NBEA: variants seen among roughly 807,000 people sequenced by gnomAD.
The protein encoded by NBEA is neurobeachin, also known as lysosomal-trafficking regulator 2.
A neutral mutation model predicts 343.4 loss-of-function variants in NBEA; 44 were observed. The ratio of observed to expected loss-of-function variants is 0.13; its 90% CI spans 0.10 to 0.16. The LOEUF (loss-of-function observed/expected upper bound fraction) is 0.16, where lower values mean the gene tolerates loss of function less well. NBEA is among the 10% of genes least tolerant of loss of function. The probability of loss-of-function intolerance (pLI) is 1.00; values close to 1 mark genes in which losing one functional copy is unlikely to be tolerated. For synonymous variants in NBEA, 1,175 were observed against 1,238.7 expected (o/e 0.95, Z 1.08); for missense variants, 2,555 against 3,631.3 (o/e 0.70, Z 7.62).
chr13:35,620,582 TA>T (rs1209859475), intron 48 of NBEA, among the ~76,000 whole-genome samples: 1 of 152,076 alleles, frequency 6.6e-6, no homozygotes, highest in African/African-American at 2.4e-5. Flanking sequence ...TTACCCTGAG[TA>T]AAATGTAAAG....
Position 35,443,268 on chromosome 13 carries a change from G to A in NBEA, c.6305-8824G>A, listed in dbSNP as rs190095097. Among the ~76,000 whole-genome samples, 12 of 152,028 alleles carry A rather than the reference G, an allele frequency of 7.9e-5. 1 individual carries two copies. Among genetic ancestry groups the A allele is most frequent in the Admixed American group, 5.2e-4 (8 of 15,262 alleles). On this transcript the variant is annotated intron_variant, in intron 39 of 58. Coordinates refer to ENST00000379939, the MANE Select transcript of NBEA (RefSeq NM_001385012.1). ...ACAAGTTCCTTTTTGGTAAAATTAC[G>A]TAAGATGCTGTACTCTGACTTTTAT...
chr13:35,327,821 C>T (rs1349752586), intron 36 of NBEA, among the ~76,000 whole-genome samples: 1 of 151,790 alleles, frequency 6.6e-6, no homozygotes, highest in Non-Finnish European at 1.5e-5. Context: ...GAATATTCCA[C>T]ATCAACAGAC....
At chr13:35,091,949 A>G (rs905824786) in intron 10 of NBEA, among the ~76,000 whole-genome samples, 1 of 152,040 alleles carries the variant, frequency 6.6e-6, no homozygotes, top group East Asian at 1.9e-4. Context: ...GTTGAATGAC[A>G]AAGTAACTAG....
intron 5 of NBEA, among the ~76,000 whole-genome samples, chr13:35,049,762 G>A (rs1242784715): frequency 6.6e-6 from 1 of 151,774 alleles, no homozygotes; most frequent in Non-Finnish European, 1.5e-5. Context: ...ATATTTCATA[G>A]TTACATCTTT....
At chr13:35,033,275 T>C (rs1297344033) in intron 1 of NBEA, among the ~76,000 whole-genome samples, 2 of 151,910 alleles carry the variant, frequency 1.3e-5, no homozygotes, top group Non-Finnish European at 2.9e-5. Flanking sequence ...TTTTCCCTAG[T>C]GTATGTTCTA....
At chr13:35,279,763 A>G (rs1482941297) in intron 34 of NBEA, among the ~76,000 whole-genome samples, 1 of 152,128 alleles carries the variant, frequency 6.6e-6, no homozygotes, top group Non-Finnish European at 1.5e-5. Flanking sequence ...ATCAAAACAC[A>G]ATTTTTCCCA....
intron 44 of NBEA, among the ~76,000 whole-genome samples, chr13:35,557,827 GTGTT>G (rs1170908118): frequency 6.6e-6 from 1 of 152,106 alleles, no homozygotes; most frequent in Non-Finnish European, 1.5e-5. Context: ...ATTTTAAAAT[GTGTT>G]TGGGGAGAAA....
intron 38 of NBEA, among the ~76,000 whole-genome samples, chr13:35,412,284 A>T (rs1438711076): frequency 2.6e-5 from 4 of 151,822 alleles, no homozygotes; most frequent in African/African-American, 9.7e-5. Flanking sequence ...GACACAAGAC[A>T]TGTTAACTAA....
chr13:35,305,675 T>C (rs2036842987), intron 35 of NBEA, among the ~76,000 whole-genome samples: 1 of 152,136 alleles, frequency 6.6e-6, no homozygotes, highest in African/African-American at 2.4e-5. Flanking sequence ...CCAATGATGA[T>C]GTAGAGCAGA....
At chr13:35,010,126 C>T (rs1006094166) in intron 1 of NBEA, among the ~76,000 whole-genome samples, 1 of 152,024 alleles carries the variant, frequency 6.6e-6, no homozygotes, top group African/African-American at 2.4e-5. Context: ...GCAAAATGGT[C>T]TGAGGTTAAT....
intron 48 of NBEA, among the ~76,000 whole-genome samples, chr13:35,611,988 C>G (rs1311388763): frequency 6.6e-6 from 1 of 151,900 alleles, no homozygotes; most frequent in Non-Finnish European, 1.5e-5. Flanking sequence ...AACTGCCCAG[C>G]TGTTTCTCAA....
chr13:35,454,969 TTATA>T (rs2046492760), intron 40 of NBEA, among the ~76,000 whole-genome samples: 2 of 152,090 alleles, frequency 1.3e-5, no homozygotes. Context: ...CTCAGAAATA[TTATA>T]TAAAGTAAAA....
chr13:34,946,643 A>G (rs1438864612), intron 1 of NBEA, among the ~76,000 whole-genome samples: 1 of 150,858 alleles, frequency 6.6e-6, no homozygotes, highest in Non-Finnish European at 1.5e-5. Flanking sequence ...GTTTTTTTTC[A>G]TGAGTTACAG....
At chr13:35,117,603 C>A in intron 14 of NBEA, 110 bp downstream of exon 14, 1 of 416,366 alleles carries the variant, frequency 2.4e-6, no homozygotes. Context: ...TCATGAATTG[C>A]TTTCAAAATT....
intron 33 of NBEA, among the ~76,000 whole-genome samples, chr13:35,222,910 C>T (rs1235770744): frequency 1.3e-5 from 2 of 152,110 alleles, no homozygotes; most frequent in African/African-American, 4.8e-5. Flanking sequence ...GGGTGAATCA[C>T]CTGAGGTCAG....
At chr13:35,238,794 T>C (rs913682193) in intron 34 of NBEA, among the ~76,000 whole-genome samples, 5 of 152,152 alleles carry the variant, frequency 3.3e-5, no homozygotes, top group Non-Finnish European at 7.4e-5. Context: ...AATAAATATT[T>C]TATTAAAATC....
chr13:35,252,562 G>A (rs559393212), intron 34 of NBEA, among the ~76,000 whole-genome samples: 1 of 152,324 alleles, frequency 6.6e-6, no homozygotes, highest in South Asian at 2.1e-4. Flanking sequence ...GAGCACAGTT[G>A]TCAGCCTGAG....
At chr13:35,559,759 C>CA (rs936764486) in intron 44 of NBEA, among the ~76,000 whole-genome samples, 14 of 151,350 alleles carry the variant, frequency 9.3e-5, no homozygotes, top group Non-Finnish European at 1.6e-4. Flanking sequence ...ACTAAAAATA[C>CA]AAAAAAATTA....
chr13:35,646,973 A>G (rs945952975), intron 51 of NBEA, among the ~76,000 whole-genome samples: 4 of 152,222 alleles, frequency 2.6e-5, no homozygotes, highest in Non-Finnish European at 5.9e-5. Context: ...ATGATTCAAT[A>G]CTGTATAGCA....
Sources: gnomAD v4.1 joint callset for allele counts (sites outside exome capture counted in the v4.1 genomes callset) on GRCh38, gnomAD v4.1.1 for gene constraint, MANE v1.5 for transcripts, NCBI Gene and HGNC (gene_info 2026-07-23, HGNC 2026-07-21) for gene names.